Variants in TANC1 observed in about 807,000 individuals in gnomAD.
TANC1 encodes the protein tetratricopeptide repeat, ankyrin repeat and coiled-coil containing 1, also known as protein TANC1.
In TANC1, 77 loss-of-function variants were observed where a neutral mutation model predicts 149.7. The observed-to-expected ratio is 0.51, with a 90% CI of 0.43 to 0.62. TANC1 has a LOEUF of 0.62. Among genes scored for constraint, TANC1 ranks in the 20% least tolerant of loss-of-function variants. The pLI is 0.00. For missense variants in TANC1, 1,985 were observed against 2,321.8 expected (o/e 0.85, Z 2.98); for synonymous variants, 854 against 925.0 (o/e 0.92, Z 1.39).
intron 4 of TANC1, among the ~76,000 whole-genome samples, chr2:159,098,162 T>G (rs2046326510): frequency 6.6e-6 from 1 of 152,210 alleles, no homozygotes; most frequent in Non-Finnish European, 1.5e-5. Context: ...ATGTTTCTTT[T>G]GATCAATGAC....
Position 159,185,833 on chromosome 2 carries a change from G to A in TANC1, c.2553G>A (p.Glu851=). The change falls in exon 15 of 27, where the codon GAG becomes GAA. Residue 851 remains glutamate, a synonymous_variant. Coordinates refer to ENST00000263635, the MANE Select transcript of TANC1 (RefSeq NM_033394.3). ...ALLAFMFSRQ[E]GKLNRQQTME... is the part of the protein sequence containing the mutation. ...TGGCATTCATGTTCTCGCGTCAGGAGGGCAAGTTGAACCGCCAGCAGACCA... is the reference window on the plus strand; with the variant it reads ...TGGCATTCATGTTCTCGCGTCAGGAAGGCAAGTTGAACCGCCAGCAGACCA... 6.2e-7 allele frequency: 1 copy of A among 1,614,156 alleles called. No homozygotes were observed. Among genetic ancestry groups the A allele is most frequent in the Non-Finnish European group, 8.5e-7 (1 of 1,180,024 alleles).
Position 159,193,428 on chromosome 2 carries a change from G to T in TANC1, c.2743-829G>T, listed in dbSNP as rs181043893. 3.9e-5 allele frequency among the ~76,000 whole-genome samples: 6 copies of T among 152,304 alleles called. No individual in the cohort carries two copies. The East Asian group carries it at 1.2e-3, about 29-fold the overall frequency. Reference sequence around the variant, plus strand: ...GAATAATGCTGCAATTAACATGAGGGTACAAATATGTCTTTGAGATCCTGC... The same window carrying T: ...GAATAATGCTGCAATTAACATGAGGTTACAAATATGTCTTTGAGATCCTGC... On this transcript the variant is annotated intron_variant, in intron 16 of 26. Transcript: ENST00000263635.
intron 7 of TANC1, among the ~76,000 whole-genome samples, chr2:159,160,418 C>T (rs759649643): frequency 9.2e-5 from 14 of 151,978 alleles, no homozygotes; most frequent in Non-Finnish European, 1.8e-4. Context: ...GAGTGATTGA[C>T]TGGGTTAACC....
chr2:159,097,970 C>A, intron 4 of TANC1, 136 bp downstream of exon 4: 1 of 573,428 alleles, frequency 1.7e-6, no homozygotes, highest in Non-Finnish European at 2.8e-6. Context: ...AGAAATAAAT[C>A]TTTTTTTTTT....
intron 1 of TANC1, among the ~76,000 whole-genome samples, chr2:158,976,459 C>T (rs1210946811): frequency 2.6e-5 from 4 of 151,908 alleles, no homozygotes; most frequent in Non-Finnish European, 5.9e-5. Context: ...AGAAAATGGG[C>T]GAGTGGTTTA....
At chr2:159,176,593 CTG>C in intron 13 of TANC1, 75 bp downstream of exon 13, 2 of 1,152,362 alleles carry the variant, frequency 1.7e-6, no homozygotes, top group Non-Finnish European at 2.5e-6. Context: ...TAACGTAAAA[CTG>C]TTGTAAACCA....
intron 25 of TANC1, chr2:159,228,329 G>T (rs946847683): frequency 3.6e-5 from 10 of 280,052 alleles, no homozygotes; most frequent in African/African-American, 2.0e-4. Flanking sequence ...TCTGTGTTAG[G>T]TTTGCTCAGA....
At chr2:159,084,133 CCAGCTACT>C (rs1344400448) in intron 3 of TANC1, among the ~76,000 whole-genome samples, 2 of 151,948 alleles carry the variant, frequency 1.3e-5, no homozygotes. Flanking sequence ...GCCTGTAATC[CCAGCTACT>C]CAGAAGGCTG....
intron 16 of TANC1, among the ~76,000 whole-genome samples, chr2:159,193,984 G>C (rs926618691): frequency 3.3e-5 from 5 of 152,076 alleles, no homozygotes; most frequent in African/African-American, 9.7e-5. Context: ...TCAGCTTCCT[G>C]AGTAGCTGGG....
At chr2:159,126,023 G>A (rs1252930697) in intron 4 of TANC1, among the ~76,000 whole-genome samples, 1 of 152,130 alleles carries the variant, frequency 6.6e-6, no homozygotes, top group Non-Finnish European at 1.5e-5. Context: ...TTTAGTGTCT[G>A]ACCCTTCCTC....
intron 1 of TANC1, among the ~76,000 whole-genome samples, chr2:158,980,774 CA>C (rs200444006): frequency 0.12 from 12,877 of 109,632 alleles, 984 homozygotes; most frequent in African/African-American, 0.24. Flanking sequence ...GACTCCATCT[CA>C]AAAAAAAAAA....
intron 19 of TANC1, among the ~76,000 whole-genome samples, chr2:159,205,816 A>G (rs775228659): frequency 6.6e-6 from 1 of 152,222 alleles, no homozygotes; most frequent in Non-Finnish European, 1.5e-5. Flanking sequence ...ACAGAATTTC[A>G]GGTGAGAGAT....
At chr2:159,183,185 A>G (rs2150577998) in intron 14 of TANC1, among the ~76,000 whole-genome samples, 1 of 152,302 alleles carries the variant, frequency 6.6e-6, no homozygotes, top group African/African-American at 2.4e-5. Context: ...TGGGCAGAGT[A>G]GAGGAAGAAG....
At chr2:159,185,750 A>G (rs770133700) in intron 14 of TANC1, 41 bp from the exon 15 acceptor site, 3 of 1,428,760 alleles carry the variant, frequency 2.1e-6, no homozygotes, top group Non-Finnish European at 2.9e-6. Context: ...GTGTGGTGGA[A>G]TGGGCTCTTC....
At chr2:159,061,177 C>T (rs941276255) in intron 2 of TANC1, among the ~76,000 whole-genome samples, 6 of 152,176 alleles carry the variant, frequency 3.9e-5, no homozygotes, top group Non-Finnish European at 8.8e-5. Flanking sequence ...CCTCAATGAA[C>T]GTTACAGGAA....
intron 19 of TANC1, among the ~76,000 whole-genome samples, chr2:159,201,155 T>C (rs2058215597): frequency 1.3e-5 from 2 of 152,182 alleles, no homozygotes; most frequent in Non-Finnish European, 2.9e-5. Context: ...CTTGTGCCCC[T>C]TCAAAGACAA....
chr2:159,103,325 A>G (rs1457192967), intron 4 of TANC1, among the ~76,000 whole-genome samples: 1 of 95,764 alleles, frequency 1.0e-5, no homozygotes, highest in East Asian at 2.3e-4. Context: ...CATAGTGCCC[A>G]CTTCCTTTCC....
At chr2:159,068,338 G>A (rs1169664901) in intron 3 of TANC1, among the ~76,000 whole-genome samples, 2 of 152,156 alleles carry the variant, frequency 1.3e-5, no homozygotes, top group East Asian at 1.9e-4. Context: ...AAATTTTGCT[G>A]TACTGTTTCC....
chr2:159,198,505 C>T (rs889800348), intron 18 of TANC1, among the ~76,000 whole-genome samples: 2 of 152,212 alleles, frequency 1.3e-5, no homozygotes, highest in Non-Finnish European at 2.9e-5. Context: ...CGCCCTTTGA[C>T]AGGAAGAGTC....
Sources: allele counts gnomAD v4.1 joint callset (sites outside exome capture counted in the v4.1 genomes callset), GRCh38; gene constraint gnomAD v4.1.1; transcripts MANE v1.5; gene names NCBI Gene and HGNC (gene_info 2026-07-23, HGNC 2026-07-21).